COL26A1: variants seen among roughly 807,000 people sequenced by gnomAD.
The protein encoded by COL26A1 is collagen type XXVI alpha 1 chain.
In COL26A1, 41 loss-of-function variants were observed where a neutral mutation model predicts 59.3. The observed-to-expected ratio is 0.69, with a 90% CI of 0.54 to 0.90. COL26A1 has a LOEUF of 0.90. Among genes scored for constraint, COL26A1 ranks in the 40% least tolerant of loss-of-function variants. COL26A1 has a pLI of 0.00. For synonymous variants in COL26A1, 266 were observed against 256.0 expected, an observed-to-expected ratio of 1.04 and a Z score of -0.37; for missense variants, 612 against 602.3, an observed-to-expected ratio of 1.02 and a Z score of -0.17.
chr7:101,470,819 G>A (rs944994943), intron 3 of COL26A1, among the ~76,000 whole-genome samples: 1 of 152,090 alleles, frequency 6.6e-6, no homozygotes, highest in South Asian at 2.1e-4. Context: ...CTTCCTGGGG[G>A]TCAAGGTTGG....
intron 1 of COL26A1, among the ~76,000 whole-genome samples, chr7:101,385,957 T>C (rs4729701): frequency 0.78 from 118,924 of 151,822 alleles, 47,072 homozygotes; most frequent in Middle Eastern, 0.84. Flanking sequence ...GTGATCTGCC[T>C]GCCTCGGCCT....
rs757207657 is a variant in COL26A1, at chr7:101,363,122, A to G, written c.90A>G (p.Ala30=). The G allele has an allele frequency of 6.5e-7, 1 of 1,536,072 alleles. No homozygotes were observed. Residue 30 remains alanine, a synonymous_variant, in exon 1 of 13, where the codon GCA becomes GCG. Transcript: ENST00000313669. The part of the protein sequence containing the change: ...ATGFLYPFSA[A]ALQQHGYPEP... Reference sequence around the variant, plus strand: ...GCTTCCTCTATCCCTTCTCGGCCGCAGCTCTGCAGCAGCACGGCTACCCCG... The same window carrying G: ...GCTTCCTCTATCCCTTCTCGGCCGCGGCTCTGCAGCAGCACGGCTACCCCG...
chr7:101,401,082 T>A (rs893920796), intron 1 of COL26A1, among the ~76,000 whole-genome samples: 5 of 152,188 alleles, frequency 3.3e-5, no homozygotes, highest in Non-Finnish European at 7.3e-5. Flanking sequence ...AGTCCCTGGC[T>A]TGGGGATGAT....
At chr7:101,514,344 A>G (rs1398900555) in intron 3 of COL26A1, among the ~76,000 whole-genome samples, 1 of 152,072 alleles carries the variant, frequency 6.6e-6, no homozygotes, top group East Asian at 1.9e-4. Flanking sequence ...TCTCAAAAAA[A>G]TAAAAATAAA....
chr7:101,426,532 G>C (rs898886244), intron 2 of COL26A1, among the ~76,000 whole-genome samples: 1 of 152,166 alleles, frequency 6.6e-6, no homozygotes, highest in African/African-American at 2.4e-5. Context: ...CCAAAAAAGA[G>C]AGGAAGGGGA....
intron 4 of COL26A1, among the ~76,000 whole-genome samples, chr7:101,534,503 C>T (rs1795437188): frequency 6.6e-6 from 1 of 152,084 alleles, no homozygotes. Context: ...TATACACATA[C>T]AGACACACAC....
intron 2 of COL26A1, among the ~76,000 whole-genome samples, chr7:101,432,977 C>G (rs972090182): frequency 6.6e-6 from 1 of 152,150 alleles, no homozygotes; most frequent in Non-Finnish European, 1.5e-5. Context: ...GCTGGGATTA[C>G]AGGCGTAAGC....
intron 3 of COL26A1, among the ~76,000 whole-genome samples, chr7:101,500,299 G>A (rs962670205): frequency 6.6e-6 from 1 of 152,174 alleles, no homozygotes; most frequent in Non-Finnish European, 1.5e-5. Context: ...TCCTCTCTGG[G>A]CTACAAGGCT....
chr7:101,520,434 C>T (rs1795115731), intron 3 of COL26A1, among the ~76,000 whole-genome samples: 1 of 152,104 alleles, frequency 6.6e-6, no homozygotes, highest in Non-Finnish European at 1.5e-5. Context: ...CCTGTAATCC[C>T]TACACTTTGA....
At chr7:101,522,067 A>G (rs1420284781) in intron 3 of COL26A1, among the ~76,000 whole-genome samples, 3 of 152,176 alleles carry the variant, frequency 2.0e-5, no homozygotes, top group African/African-American at 4.8e-5. Context: ...CAATGCTGCC[A>G]TGAACGTTCT....
At chr7:101,557,333 G>C (rs1227554408) in intron 12 of COL26A1, 37 bp from the exon 13 acceptor site, 5 of 1,590,334 alleles carry the variant, frequency 3.1e-6, no homozygotes, top group South Asian at 2.3e-5. Flanking sequence ...TGTTCCTAAG[G>C]CTCTACCTCG....
At chr7:101,374,178 T>C (rs1290113841) in intron 1 of COL26A1, among the ~76,000 whole-genome samples, 1 of 152,206 alleles carries the variant, frequency 6.6e-6, no homozygotes, top group Non-Finnish European at 1.5e-5. Context: ...TGTCTCTACC[T>C]GCCTCCCAGA....
At chr7:101,507,665 C>T (rs1023194876) in intron 3 of COL26A1, among the ~76,000 whole-genome samples, 1 of 152,110 alleles carries the variant, frequency 6.6e-6, no homozygotes, top group African/African-American at 2.4e-5. Flanking sequence ...GTGATCCTCC[C>T]TCCTCCACTT....
intron 3 of COL26A1, among the ~76,000 whole-genome samples, chr7:101,473,651 CACAA>C (rs1377813024): frequency 6.7e-5 from 7 of 104,716 alleles, no homozygotes; most frequent in East Asian, 5.3e-4. Flanking sequence ...CACACACACA[CACAA>C]ACACACACAA....
chr7:101,369,008 G>T (rs923286550), intron 1 of COL26A1, among the ~76,000 whole-genome samples: 4 of 151,684 alleles, frequency 2.6e-5, no homozygotes, highest in Non-Finnish European at 5.9e-5. Context: ...GTGTGTGTTT[G>T]TGTCTGTATC....
intron 1 of COL26A1, among the ~76,000 whole-genome samples, chr7:101,380,946 C>A (rs1389399130): frequency 6.6e-6 from 1 of 152,192 alleles, no homozygotes; most frequent in Non-Finnish European, 1.5e-5. Context: ...TGGTTTTCTT[C>A]TGTAGCTCTA....
chr7:101,415,109 C>T (rs1307047697), intron 1 of COL26A1, among the ~76,000 whole-genome samples: 1 of 151,954 alleles, frequency 6.6e-6, no homozygotes, highest in Non-Finnish European at 1.5e-5. Context: ...ATGATTTACA[C>T]ACTACTGACT....
chr7:101,449,680 G>C (rs1386023837), intron 3 of COL26A1, among the ~76,000 whole-genome samples: 1 of 152,144 alleles, frequency 6.6e-6, no homozygotes, highest in East Asian at 1.9e-4. Flanking sequence ...TGAGGTAGGA[G>C]GATCACTGAT....
intron 2 of COL26A1, among the ~76,000 whole-genome samples, chr7:101,434,096 CTTTCTGCTTTCTTTCTTTTT>C (rs1562976983): frequency 1.9e-5 from 2 of 107,518 alleles, no homozygotes; most frequent in Admixed American, 1.3e-4. Context: ...CTCCCTCTTT[CTTTCTGCTTTCTTTCTTTTT>C]CTTTCTTTCT....
Sources: gnomAD v4.1 joint callset for allele counts (sites outside exome capture counted in the v4.1 genomes callset) on GRCh38, gnomAD v4.1.1 for gene constraint, MANE v1.5 for transcripts, NCBI Gene and HGNC (gene_info 2026-07-23, HGNC 2026-07-21) for gene names.